Variants in SYT14 observed in about 807,000 individuals in gnomAD.
SYT14 encodes the protein synaptotagmin-14.
In SYT14, 32 loss-of-function variants were observed where a neutral mutation model predicts 74.2. That is an observed-to-expected ratio of 0.43 (90% CI 0.33 to 0.58). The LOEUF (loss-of-function observed/expected upper bound fraction) is 0.58. SYT14 is among the 20% of genes least tolerant of loss of function. The pLI is 0.05. For synonymous variants in SYT14, 298 were observed against 337.7 expected, an observed-to-expected ratio of 0.88 and a Z score of 1.29; for missense variants, 791 against 981.8, an observed-to-expected ratio of 0.81 and a Z score of 2.60.
In SYT14 at chr1:210,047,620, A is replaced by G. The variant is rs143557090; in HGVS notation, c.1312+26366A>G. Among the ~76,000 whole-genome samples the G allele has an allele frequency of 2.8e-4, 43 of 152,244 alleles. No homozygotes were observed. The East Asian group carries it at 7.7e-3, about 27-fold the overall frequency. On this transcript the variant is annotated intron_variant, in intron 5 of 9. Coordinates refer to ENST00000637265, the Ensembl canonical transcript of SYT14. ...CACCATGTTGGCCAGGCTGGTCTCA[A>G]ACTCCTGACCTCGTGATCTGCCTGC...
At position 210,036,498 on chromosome 1, in the gene SYT14, CT is replaced by C. The variant is rs539319419; in HGVS notation, c.1312+15246del. Among the ~76,000 whole-genome samples, 31 of 152,074 alleles carry C rather than the reference CT, an allele frequency of 2.0e-4. No homozygotes were observed. In the East Asian group the frequency reaches 5.8e-3, roughly 28 times the overall value. ...AATAGGAGTGGAGAAAGTGGGCATC[CT>C]TGTCTTGTTCCAGTTCTTAAGGGGG... On this transcript the variant is annotated intron_variant, in intron 5 of 9. Transcript: ENST00000637265.
chr1:210,139,618 C>T (rs4844950), intron 7 of SYT14, among the ~76,000 whole-genome samples: 31,759 of 151,954 alleles, frequency 0.21, 7,709 homozygotes, highest in African/African-American at 0.55. Flanking sequence ...TTATTATCCC[C>T]GCCACGAAAA....
At chr1:210,135,011 C>T (rs2082753067) in intron 7 of SYT14, among the ~76,000 whole-genome samples, 1 of 150,712 alleles carries the variant, frequency 6.6e-6, no homozygotes, top group African/African-American at 2.4e-5. Flanking sequence ...AACAGAGTCT[C>T]ACTCTGTCAC....
chr1:209,961,142 C>A (rs1372470043), intron 2 of SYT14, among the ~76,000 whole-genome samples: 1 of 152,120 alleles, frequency 6.6e-6, no homozygotes, highest in African/African-American at 2.4e-5. Context: ...TCTTTCTCTT[C>A]CCCCTCAAGT....
chr1:209,979,652 G>T (rs2079444111), intron 2 of SYT14, among the ~76,000 whole-genome samples: 1 of 151,954 alleles, frequency 6.6e-6, no homozygotes, highest in Admixed American at 6.5e-5. Context: ...CCCCACCATG[G>T]GTCCATATGT....
chr1:210,155,867 A>G (rs1048846977), exon 8 of SYT14: 2 of 1,614,118 alleles, frequency 1.2e-6, no homozygotes, highest in Non-Finnish European at 1.7e-6. Flanking sequence ...CAGAAGTGAT[A>G]AAAGGCAGCC....
At chr1:209,978,940 A>T (rs1172275504) in intron 2 of SYT14, among the ~76,000 whole-genome samples, 2 of 152,018 alleles carry the variant, frequency 1.3e-5, no homozygotes, top group Non-Finnish European at 2.9e-5. Flanking sequence ...GCCGCCTTAC[A>T]GTTTGATCTC....
chr1:210,043,005 T>G (rs750883502), intron 5 of SYT14, among the ~76,000 whole-genome samples: 1 of 152,232 alleles, frequency 6.6e-6, no homozygotes, highest in Non-Finnish European at 1.5e-5. Flanking sequence ...TTTTTCCATT[T>G]GTTTGTGTCC....
At chr1:210,073,433 G>C (rs2081431752) in intron 5 of SYT14, among the ~76,000 whole-genome samples, 1 of 151,492 alleles carries the variant, frequency 6.6e-6, no homozygotes, top group Non-Finnish European at 1.5e-5. Flanking sequence ...CTGGTTATTT[G>C]GTATTATAAA....
At chr1:210,040,540 A>G (rs2080766976) in intron 5 of SYT14, among the ~76,000 whole-genome samples, 1 of 152,084 alleles carries the variant, frequency 6.6e-6, no homozygotes, top group East Asian at 1.9e-4. Flanking sequence ...AACCAAAGTG[A>G]TATTAGCTCT....
chr1:209,991,975 A>G (rs923732406), intron 2 of SYT14, among the ~76,000 whole-genome samples: 5 of 152,234 alleles, frequency 3.3e-5, no homozygotes, highest in African/African-American at 9.6e-5. Context: ...CAGAACTACC[A>G]TTTGACCTAG....
intron 5 of SYT14, among the ~76,000 whole-genome samples, chr1:210,052,445 C>G (rs1468394624): frequency 6.6e-6 from 1 of 151,982 alleles, no homozygotes; most frequent in Non-Finnish European, 1.5e-5. Context: ...GGCGGATCAT[C>G]TGAGGTCAGG....
intron 7 of SYT14, among the ~76,000 whole-genome samples, chr1:210,131,581 A>G (rs1389201180): frequency 1.3e-5 from 2 of 151,608 alleles, no homozygotes; most frequent in Non-Finnish European, 2.9e-5. Flanking sequence ...ACATATTTAC[A>G]TTTATATTTA....
At chr1:210,006,899 A>G (rs1256278626) in intron 2 of SYT14, among the ~76,000 whole-genome samples, 1 of 151,834 alleles carries the variant, frequency 6.6e-6, no homozygotes, top group East Asian at 1.9e-4. Context: ...TTTCATGTAT[A>G]TCCTAGCATT....
chr1:209,954,221 G>T (rs935441771), intron 2 of SYT14, among the ~76,000 whole-genome samples: 4 of 152,180 alleles, frequency 2.6e-5, no homozygotes, highest in African/African-American at 9.7e-5. Flanking sequence ...AGGGTCTTTT[G>T]TGGCTACAAA....
At chr1:210,091,519 T>G (rs545174087) in intron 5 of SYT14, among the ~76,000 whole-genome samples, 4 of 152,122 alleles carry the variant, frequency 2.6e-5, no homozygotes, top group Non-Finnish European at 5.9e-5. Flanking sequence ...CAAGACCCTG[T>G]CTCTACAAAC....
intron 2 of SYT14, among the ~76,000 whole-genome samples, chr1:209,979,372 T>G (rs959908696): frequency 5.3e-5 from 8 of 152,138 alleles, no homozygotes; most frequent in African/African-American, 1.9e-4. Flanking sequence ...TCTTCCACCC[T>G]TTTCTTTGAG....
chr1:210,136,077 T>TA (rs2082779217), intron 7 of SYT14, among the ~76,000 whole-genome samples: 1 of 152,108 alleles, frequency 6.6e-6, no homozygotes, highest in Admixed American at 6.6e-5. Context: ...TGAAGCCTGA[T>TA]ATTTAGGATG....
chr1:210,050,810 C>T (rs1203538501), intron 5 of SYT14, among the ~76,000 whole-genome samples: 2 of 152,166 alleles, frequency 1.3e-5, no homozygotes, highest in East Asian at 3.8e-4. Context: ...AGACCCACTC[C>T]CATATAATTC....
Sources: gnomAD v4.1 joint callset for allele counts (sites outside exome capture counted in the v4.1 genomes callset) on GRCh38, gnomAD v4.1.1 for gene constraint, MANE v1.5 for transcripts, NCBI Gene and HGNC (gene_info 2026-07-23, HGNC 2026-07-21) for gene names.